Variants in ACOXL observed in about 807,000 individuals in gnomAD.
ACOXL encodes the protein acyl-coenzyme A oxidase-like protein.
A neutral mutation model predicts 71.9 loss-of-function variants in ACOXL; 70 were observed. The observed-to-expected ratio is 0.97, with a 90% confidence interval of 0.80 to 1.19. The LOEUF (loss-of-function observed/expected upper bound fraction) is 1.19. Among genes scored for constraint, ACOXL ranks in the 50% most tolerant of loss-of-function variants. ACOXL has a pLI of 0.00. For missense variants in ACOXL, 703 were observed against 736.3 expected, an observed-to-expected ratio of 0.95 and a Z score of 0.52; for synonymous variants, 253 against 281.6, an observed-to-expected ratio of 0.90 and a Z score of 1.02.
chr2:110,813,610 T>C (rs190880914), intron 9 of ACOXL, among the ~76,000 whole-genome samples: 1 of 152,308 alleles, frequency 6.6e-6, no homozygotes, highest in East Asian at 1.9e-4. Context: ...CTGCTGTCCC[T>C]AGGAGCTTTT....
At chr2:110,951,881 G>A (rs2061345927) in intron 12 of ACOXL, among the ~76,000 whole-genome samples, 1 of 152,142 alleles carries the variant, frequency 6.6e-6, no homozygotes, top group Non-Finnish European at 1.5e-5. Flanking sequence ...GATTTCATTT[G>A]GTAATATTTG....
intron 12 of ACOXL, among the ~76,000 whole-genome samples, chr2:110,974,014 T>C (rs2149496398): frequency 6.6e-6 from 1 of 152,312 alleles, no homozygotes; most frequent in Admixed American, 6.5e-5. Context: ...TGCCCTGCGT[T>C]GGACCCGGAG....
intron 10 of ACOXL, among the ~76,000 whole-genome samples, chr2:110,874,212 G>A (rs376134517): frequency 6.6e-6 from 1 of 152,130 alleles, no homozygotes; most frequent in Non-Finnish European, 1.5e-5. Context: ...GAATGCTTTT[G>A]GGGGGGTGGT....
intron 10 of ACOXL, among the ~76,000 whole-genome samples, chr2:110,875,917 A>G (rs1695840827): frequency 6.6e-6 from 1 of 152,168 alleles, no homozygotes; most frequent in Admixed American, 6.5e-5. Flanking sequence ...CATGCAGGAA[A>G]GAAACAGTAG....
chr2:110,896,179 T>G (rs2059000934), intron 10 of ACOXL, among the ~76,000 whole-genome samples: 1 of 152,120 alleles, frequency 6.6e-6, no homozygotes, highest in Non-Finnish European at 1.5e-5. Flanking sequence ...TAGGCTGTAA[T>G]GAGTTATGTA....
intron 16 of ACOXL, among the ~76,000 whole-genome samples, chr2:111,054,638 A>G (rs895402918): frequency 3.9e-5 from 6 of 152,170 alleles, no homozygotes; most frequent in Admixed American, 2.0e-4. Flanking sequence ...AGCGTGTGGA[A>G]GGAGGGACGC....
intron 9 of ACOXL, among the ~76,000 whole-genome samples, chr2:110,834,535 G>T (rs1342905125): frequency 6.6e-6 from 1 of 152,240 alleles, no homozygotes; most frequent in African/African-American, 2.4e-5. Context: ...TAGCAGCCCT[G>T]GGTGTGGGGC....
In ACOXL at chr2:111,087,265, C is replaced by G. The variant is rs145482358; in HGVS notation, c.1441-5600C>G. 2.2e-3 allele frequency among the ~76,000 whole-genome samples: 336 copies of G among 152,282 alleles called. 2 individuals carry two copies. The highest frequency in any genetic ancestry group is 7.8e-3 in the African/African-American group (326 of 41,564). ...CAGATTTAATGCTATTCCTATCAAA[C>G]TATCAATGACATTCTTCACAGAAGT... On this transcript the variant is annotated intron_variant, in intron 16 of 17. Transcript: ENST00000439055.
chr2:110,892,201 A>G (rs1697999936), intron 10 of ACOXL, among the ~76,000 whole-genome samples: 1 of 152,306 alleles, frequency 6.6e-6, no homozygotes, highest in South Asian at 2.1e-4. Context: ...TGGGCTTATC[A>G]TAACCCAGAT....
intron 10 of ACOXL, among the ~76,000 whole-genome samples, chr2:110,880,565 A>G (rs1220928054): frequency 1.3e-5 from 2 of 152,220 alleles, no homozygotes; most frequent in African/African-American, 2.4e-5. Context: ...ATCTGTGTCC[A>G]TATGTGACTG....
In ACOXL at chr2:110,918,114, G is replaced by C. The variant is rs377264557; in HGVS notation, c.905+9209G>C. 4.6e-5 allele frequency among the ~76,000 whole-genome samples: 7 copies of C among 152,140 alleles called. No homozygotes were observed. In the East Asian group the frequency reaches 9.7e-4, roughly 21 times the overall value. On this transcript the variant is annotated intron_variant, in intron 11 of 17. Coordinates refer to ENST00000439055, the MANE Select transcript of ACOXL (RefSeq NM_001142807.4). The stretch of plus-strand genomic sequence containing the variant: ...CCGCATAGCCAAGACAATCCTAAGC[G>C]AAAAGAACAAAGCTGGAGGCATCAC...
At chr2:110,886,479 C>T (rs538152374) in intron 10 of ACOXL, among the ~76,000 whole-genome samples, 72 of 150,564 alleles carry the variant, frequency 4.8e-4, no homozygotes, top group Non-Finnish European at 7.8e-4. Context: ...TGGGTTTAAG[C>T]GATTCTCCTG....
intron 12 of ACOXL, among the ~76,000 whole-genome samples, chr2:110,942,369 A>G (rs2060897594): frequency 6.6e-6 from 1 of 152,226 alleles, no homozygotes; most frequent in African/African-American, 2.4e-5. Flanking sequence ...AATGGATGGG[A>G]AAAGATGCAC....
intron 2 of ACOXL, among the ~76,000 whole-genome samples, chr2:110,777,076 G>A (rs886322622): frequency 6.6e-6 from 1 of 152,128 alleles, no homozygotes; most frequent in African/African-American, 2.4e-5. Context: ...TAGGGTCACC[G>A]TATACTGGGT....
chr2:111,032,324 A>G (rs1350796890), intron 15 of ACOXL, among the ~76,000 whole-genome samples: 1 of 152,178 alleles, frequency 6.6e-6, no homozygotes, highest in Non-Finnish European at 1.5e-5. Context: ...TACTGCTAAC[A>G]TGCTACAGGG....
chr2:110,858,615 C>T (rs1453598008), intron 10 of ACOXL, among the ~76,000 whole-genome samples: 1 of 152,194 alleles, frequency 6.6e-6, no homozygotes, highest in African/African-American at 2.4e-5. Context: ...TCTGTATGCA[C>T]CAGCAGGCTG....
At chr2:111,030,298 G>T (rs1031980617) in intron 14 of ACOXL, among the ~76,000 whole-genome samples, 1 of 152,190 alleles carries the variant, frequency 6.6e-6, no homozygotes, top group Non-Finnish European at 1.5e-5. Flanking sequence ...TTCTGCTGCA[G>T]GCTGTTCCCT....
intron 9 of ACOXL, among the ~76,000 whole-genome samples, chr2:110,830,715 A>C (rs1689724426): frequency 6.6e-6 from 1 of 151,852 alleles, no homozygotes; most frequent in Non-Finnish European, 1.5e-5. Flanking sequence ...TTGTATTTTT[A>C]GTTGAGACAG....
intron 10 of ACOXL, among the ~76,000 whole-genome samples, chr2:110,843,500 G>A (rs2105773648): frequency 6.6e-6 from 1 of 152,306 alleles, no homozygotes; most frequent in Non-Finnish European, 1.5e-5. Context: ...GGCAGAGTTT[G>A]GGGAGAGTGT....
Sources: allele counts gnomAD v4.1 joint callset (sites outside exome capture counted in the v4.1 genomes callset), GRCh38; gene constraint gnomAD v4.1.1; transcripts MANE v1.5; gene names NCBI Gene and HGNC (gene_info 2026-07-23, HGNC 2026-07-21).